Variants in RBFOX1 observed in about 807,000 individuals in gnomAD.
RBFOX1 encodes RNA binding protein fox-1 homolog 1.
In RBFOX1, 8 loss-of-function variants were observed where a neutral mutation model predicts 57.7. The observed-to-expected ratio is 0.14, with a 90% CI of 0.08 to 0.25. The LOEUF is 0.25. RBFOX1 is among the 10% of genes least tolerant of loss of function. RBFOX1 has a pLI of 1.00. For synonymous variants in RBFOX1, 326 were observed against 222.4 expected (o/e 1.47, Z -4.15); for missense variants, 611 against 548.5 (o/e 1.11, Z -1.14).
In RBFOX1 at chr16:6,865,159, C is replaced by T. The variant is rs564020815; in HGVS notation, c.-15-186898C>T. 6.5e-4 allele frequency among the ~76,000 whole-genome samples: 99 copies of T among 151,778 alleles called. 1 individual carries two copies. The highest frequency in any genetic ancestry group is 2.3e-3 in the African/African-American group (93 of 41,320). On this transcript the variant is annotated intron_variant, in intron 3 of 15. Coordinates refer to ENST00000550418, the MANE Select transcript of RBFOX1 (RefSeq NM_018723.4). Reference sequence around the variant, plus strand: ...CTGGGATTACAGGTGCCCACCACCACTCCTGGGTAATTTTTGTACTTTTAG... The same window carrying T: ...CTGGGATTACAGGTGCCCACCACCATTCCTGGGTAATTTTTGTACTTTTAG...
intron 3 of RBFOX1, among the ~76,000 whole-genome samples, chr16:6,935,773 C>T (rs951478974): frequency 6.6e-5 from 10 of 152,084 alleles, no homozygotes; most frequent in Non-Finnish European, 1.3e-4. Flanking sequence ...TTTGTAGAGG[C>T]GAGGTGGACT....
intron 5 of RBFOX1, among the ~76,000 whole-genome samples, chr16:7,561,679 T>C (rs1268355088): frequency 1.3e-5 from 2 of 152,208 alleles, no homozygotes; most frequent in Non-Finnish European, 2.9e-5. Context: ...GTCTCTTTGT[T>C]TGAAGCATTT....
At chr16:5,798,214 G>A (rs927318388) in intron 3 of RBFOX1, among the ~76,000 whole-genome samples, 1 of 152,184 alleles carries the variant, frequency 6.6e-6, no homozygotes, top group African/African-American at 2.4e-5. Flanking sequence ...ATTGGACATA[G>A]CACATAGATG....
rs145582576 is a variant in RBFOX1, at chr16:6,479,023, A to G, written c.-64+161966A>G. Among the ~76,000 whole-genome samples the G allele has an allele frequency of 1.2e-3, 188 of 152,328 alleles. 1 individual carries two copies. Among genetic ancestry groups the G allele is most frequent in the African/African-American group, 4.3e-3 (177 of 41,570 alleles). Reference sequence around the variant, plus strand: ...AGCACAAGGTTGCCACAAAACTTCAATTTGTACAAAATGCAATATCTGCAA... The same window carrying G: ...AGCACAAGGTTGCCACAAAACTTCAGTTTGTACAAAATGCAATATCTGCAA... On this transcript the variant is annotated intron_variant, in intron 2 of 15. Coordinates refer to ENST00000550418, the MANE Select transcript of RBFOX1 (RefSeq NM_018723.4).
intron 4 of RBFOX1, among the ~76,000 whole-genome samples, chr16:7,174,048 C>G (rs1385862240): frequency 1.3e-5 from 2 of 152,206 alleles, no homozygotes; most frequent in African/African-American, 4.8e-5. Context: ...TATTGAGCAT[C>G]TGCTTTGTGT....
At chr16:6,676,143 CACACACACACA>C (rs2057628483) in intron 3 of RBFOX1, among the ~76,000 whole-genome samples, 1 of 518 alleles carries the variant, frequency 1.9e-3, no homozygotes, top group African/African-American at 6.3e-3. Context: ...CACACACGCG[CACACACACACA>C]CACACACACA....
intron 2 of RBFOX1, among the ~76,000 whole-genome samples, chr16:6,557,890 T>A (rs2097127073): frequency 6.6e-6 from 1 of 152,200 alleles, no homozygotes; most frequent in African/African-American, 2.4e-5. Context: ...GTGTGTTAAG[T>A]ACTTCCCCAA....
chr16:6,483,656 C>G, intron 2 of RBFOX1: 1 of 1,384,428 alleles, frequency 7.2e-7, no homozygotes, highest in Non-Finnish European at 9.4e-7. Flanking sequence ...TTCCTGAAGC[C>G]CACTGACTCC....
At chr16:6,298,259 T>C (rs2078373252) in intron 1 of RBFOX1, among the ~76,000 whole-genome samples, 2 of 152,170 alleles carry the variant, frequency 1.3e-5, no homozygotes, top group Admixed American at 1.3e-4. Flanking sequence ...ACTCTCTTGT[T>C]TCAATGGTAG....
Position 5,434,097 on chromosome 16 carries a change from G to T in RBFOX1, c.220-33119G>T, listed in dbSNP as rs374262922. Among the ~76,000 whole-genome samples, 117 of 152,248 alleles carry T rather than the reference G, an allele frequency of 7.7e-4. No individual in the cohort carries two copies. In the South Asian group the frequency reaches 0.023, roughly 30 times the overall value. On this transcript the variant is annotated intron_variant, in intron 1 of 2. Coordinates refer to the RBFOX1 transcript ENST00000585867. ...CAAAACTCTCAGCTGACTGTAATCT[G>T]CAGACCTGTACAGAACCTCTGATGC...
intron 2 of RBFOX1, among the ~76,000 whole-genome samples, chr16:6,528,552 C>T (rs74005260): frequency 3.9e-5 from 6 of 152,130 alleles, no homozygotes; most frequent in South Asian, 2.1e-4. Flanking sequence ...ATATTTGGAA[C>T]TGGTGGAAAT....
chr16:6,685,317 C>G (rs1287256187), intron 3 of RBFOX1, among the ~76,000 whole-genome samples: 1 of 144,458 alleles, frequency 6.9e-6, no homozygotes, highest in African/African-American at 2.7e-5. Flanking sequence ...ACCCTGTTGC[C>G]CAGGCCGGAG....
intron 4 of RBFOX1, among the ~76,000 whole-genome samples, chr16:7,194,324 T>C (rs2086157939): frequency 1.3e-5 from 2 of 152,220 alleles, no homozygotes; most frequent in Non-Finnish European, 2.9e-5. Flanking sequence ...TATTTTATCA[T>C]TTACATTACT....
intron 4 of RBFOX1, among the ~76,000 whole-genome samples, chr16:7,245,516 C>T (rs977847285): frequency 6.6e-6 from 1 of 152,052 alleles, no homozygotes; most frequent in Non-Finnish European, 1.5e-5. Context: ...CCAACAGAGG[C>T]TATTATGATT....
At chr16:6,409,888 G>T (rs532159897) in intron 2 of RBFOX1, among the ~76,000 whole-genome samples, 2 of 152,074 alleles carry the variant, frequency 1.3e-5, no homozygotes, top group South Asian at 4.2e-4. Context: ...CTCTTGGAGG[G>T]TTTGGGTTTA....
At chr16:5,696,559 T>A (rs1273435754) in intron 3 of RBFOX1, among the ~76,000 whole-genome samples, 3 of 152,238 alleles carry the variant, frequency 2.0e-5, no homozygotes, top group Non-Finnish European at 4.4e-5. Flanking sequence ...TTACCGCATA[T>A]TTCTAAAACC....
chr16:6,516,663 T>C (rs17140437), intron 2 of RBFOX1, among the ~76,000 whole-genome samples: 7,335 of 152,256 alleles, frequency 0.048, 483 homozygotes, highest in African/African-American at 0.15. Flanking sequence ...CTGTTGATTG[T>C]CAAGATTTCA....
intron 4 of RBFOX1, among the ~76,000 whole-genome samples, chr16:7,068,142 C>T (rs1210566092): frequency 6.6e-6 from 1 of 151,946 alleles, no homozygotes; most frequent in African/African-American, 2.4e-5. Context: ...CCAGGATAAT[C>T]TCCCTATTTT....
chr16:7,112,679 G>GTGTGTGTGTGTGTGTGTGTGT lies in RBFOX1; in HGVS notation c.27+60581_27+60582insTGTGTGTGTGTGTGTGTGTGT, dbSNP rs369771164. 6.3e-3 allele frequency among the ~76,000 whole-genome samples: 891 copies of GTGTGTGTGTGTGTGTGTGTGT among 141,924 alleles called. 23 individuals carry two copies. Among genetic ancestry groups the GTGTGTGTGTGTGTGTGTGTGT allele is most frequent in the Admixed American group, 0.014 (198 of 14,126 alleles). 93.1% of individuals were successfully genotyped at this position (141,924 alleles called of 152,430 possible). On this transcript the variant is annotated intron_variant, in intron 4 of 15. Coordinates refer to ENST00000550418, the MANE Select transcript of RBFOX1 (RefSeq NM_018723.4). ...TATGTAAACTCTGTGTGTGTGTGTG[G>GTGTGTGTGTGTGTGTGTGTGT]GTGTGGGTGTGTCTCTCTGTCTGTC...
Sources: allele counts gnomAD v4.1 joint callset (sites outside exome capture counted in the v4.1 genomes callset), GRCh38; gene constraint gnomAD v4.1.1; transcripts MANE v1.5; gene names NCBI Gene and HGNC (gene_info 2026-07-23, HGNC 2026-07-21).